Variants in NXNL2 observed in about 807,000 individuals in gnomAD.
The protein encoded by NXNL2 is nucleoredoxin-like protein 2.
NXNL2 carries 7 observed loss-of-function variants against 11.1 expected under a neutral mutation model. The ratio of observed to expected loss-of-function variants is 0.63; its 90% CI spans 0.36 to 1.18. The LOEUF is 1.18. Among genes scored for constraint, NXNL2 ranks in the 50% most tolerant of loss-of-function variants. The pLI is 0.02. For synonymous variants in NXNL2, 109 were observed against 101.8 expected (o/e 1.07, Z -0.42); for missense variants, 233 against 217.7 (o/e 1.07, Z -0.44).
chr9:88,538,623 G>A (rs768173527), intron 1 of NXNL2, among the ~76,000 whole-genome samples: 1 of 152,184 alleles, frequency 6.6e-6, no homozygotes, highest in Non-Finnish European at 1.5e-5. Context: ...CACACAGCCA[G>A]GTGCTGCACC....
At chr9:88,577,300 C>CA (rs1554707539), downstream of NXNL2, among the ~76,000 whole-genome samples, 1 of 149,602 alleles carries the variant, frequency 6.7e-6, no homozygotes, top group Non-Finnish European at 1.5e-5. Flanking sequence ...TGTGACTGGG[C>CA]GGGGGGGGCG....
At chr9:88,559,673 G>C (rs1830062376) in intron 1 of NXNL2, among the ~76,000 whole-genome samples, 1 of 152,212 alleles carries the variant, frequency 6.6e-6, no homozygotes, top group Non-Finnish European at 1.5e-5. Context: ...TGTGGTCAGA[G>C]CTTCATTCTA....
intron 1 of NXNL2, 101 bp downstream of exon 1, chr9:88,535,837 C>CG: frequency 3.4e-6 from 3 of 875,720 alleles, no homozygotes; most frequent in East Asian, 2.8e-5. Context: ...TGACGCCCCC[C>CG]CCCAACACCT....
chr9:88,535,189 C>CCG lies in NXNL2; in HGVS notation c.-242_-241dup. 1 of 525,348 alleles carries CCG rather than the reference C, an allele frequency of 1.9e-6. No homozygotes were observed. Among genetic ancestry groups the CCG allele is most frequent in the South Asian group, 2.7e-5 (1 of 37,174 alleles). 32.5% of individuals were successfully genotyped at this position (525,348 alleles called of 1,614,324 possible). Reference sequence around the variant, plus strand: ...CTGGCCCCGCTCCCAGAGGCGGGTGCCGCGCTGTCGCCCAGGTATCTGGGG... The same window carrying CCG: ...CTGGCCCCGCTCCCAGAGGCGGGTGCCGCGCGCTGTCGCCCAGGTATCTGGGG... On this transcript the variant is annotated 5_prime_UTR_variant, in exon 1 of 2. Transcript: ENST00000375854.
downstream of NXNL2, among the ~76,000 whole-genome samples, chr9:88,579,481 T>C (rs1010334670): frequency 9.2e-5 from 14 of 152,186 alleles, no homozygotes; most frequent in African/African-American, 1.2e-4. Context: ...TTGGTCCCCA[T>C]TGAGCTTATT....
chr9:88,556,852 C>T (rs1434182798), intron 1 of NXNL2, among the ~76,000 whole-genome samples: 5 of 151,992 alleles, frequency 3.3e-5, no homozygotes, highest in African/African-American at 4.8e-5. Flanking sequence ...CCAAGGCAGG[C>T]GGATCATGAG....
chr9:88,541,418 A>G (rs1239364319), intron 1 of NXNL2, among the ~76,000 whole-genome samples: 14 of 151,228 alleles, frequency 9.3e-5, no homozygotes, highest in Non-Finnish European at 4.4e-5. Flanking sequence ...GTGCAACCAC[A>G]CCTGGTTAAT....
intron 1 of NXNL2, among the ~76,000 whole-genome samples, chr9:88,540,652 G>A (rs1587840871): frequency 1.3e-5 from 2 of 152,194 alleles, no homozygotes; most frequent in African/African-American, 4.8e-5. Flanking sequence ...TTAGAGAATA[G>A]TTTACATTTT....
downstream of NXNL2, among the ~76,000 whole-genome samples, chr9:88,576,152 G>A (rs1220316577): frequency 1.3e-5 from 2 of 152,240 alleles, no homozygotes; most frequent in African/African-American, 4.8e-5. Flanking sequence ...CCGAGATTGT[G>A]CCACTGCACT....
At chr9:88,556,194 A>T (rs1262226733) in intron 1 of NXNL2, among the ~76,000 whole-genome samples, 2 of 152,136 alleles carry the variant, frequency 1.3e-5, no homozygotes, top group Admixed American at 1.3e-4. Context: ...ACCGCCTGCA[A>T]CTTGGTGGGC....
intron 1 of NXNL2, among the ~76,000 whole-genome samples, chr9:88,567,148 T>C (rs1168021393): frequency 6.6e-6 from 1 of 152,248 alleles, no homozygotes; most frequent in African/African-American, 2.4e-5. Context: ...ATTGAATTCT[T>C]TTTTTTCTCT....
chr9:88,563,938 C>T (rs895197245), intron 1 of NXNL2, among the ~76,000 whole-genome samples: 34 of 152,078 alleles, frequency 2.2e-4, no homozygotes, highest in Middle Eastern at 3.4e-3. Context: ...GGGCCGGGCG[C>T]GGTGGTTCAC....
rs138087995 is a variant in NXNL2 at position 88,537,140 on chromosome 9, G to T, written c.302+1404G>T. 3.3e-5 allele frequency among the ~76,000 whole-genome samples: 5 copies of T among 152,322 alleles called. 1 individual carries two copies. Among genetic ancestry groups the T allele is most frequent in the Admixed American group, 1.3e-4 (2 of 15,304 alleles). On this transcript the variant is annotated intron_variant, in intron 1 of 1. Transcript: ENST00000375854. ...GCATATGATACATCACGTGGTTGTT[G>T]TCAGGGTTGAGCTGATCACATATGA...
chr9:88,558,593 G>C (rs562159667), intron 1 of NXNL2, among the ~76,000 whole-genome samples: 2 of 152,244 alleles, frequency 1.3e-5, no homozygotes, highest in South Asian at 2.1e-4. Flanking sequence ...CCTGGGGCTT[G>C]GTTGGTGTCT....
At chr9:88,555,965 G>C (rs1424116165) in intron 1 of NXNL2, among the ~76,000 whole-genome samples, 2 of 152,334 alleles carry the variant, frequency 1.3e-5, no homozygotes, top group Admixed American at 1.3e-4. Flanking sequence ...TCCATGAAAG[G>C]CTGCAGCTGG....
intron 1 of NXNL2, among the ~76,000 whole-genome samples, chr9:88,583,767 A>G (rs1288356430): frequency 6.6e-6 from 1 of 152,214 alleles, no homozygotes; most frequent in Non-Finnish European, 1.5e-5. Flanking sequence ...GTCACAGGGT[A>G]GCCCTAATCT....
At chr9:88,544,262 TG>T in intron 1 of NXNL2, 116 bp from the exon 2 acceptor site, 1 of 768,306 alleles carries the variant, frequency 1.3e-6, no homozygotes. Context: ...GCAGGCTGGG[TG>T]GGGCACCTGG....
intron 2 of NXNL2, among the ~76,000 whole-genome samples, chr9:88,571,762 T>A (rs1035692604): frequency 4.6e-5 from 7 of 152,196 alleles, no homozygotes; most frequent in Non-Finnish European, 8.8e-5. Context: ...AGTCCCACCA[T>A]GAATCCTTGA....
chr9:88,578,280 C>T (rs1366821312), downstream of NXNL2, among the ~76,000 whole-genome samples: 3 of 152,130 alleles, frequency 2.0e-5, no homozygotes, highest in Admixed American at 6.5e-5. Context: ...CAGGTGGAGA[C>T]GGGCACAGCG....
Sources: gnomAD v4.1 joint callset for allele counts (sites outside exome capture counted in the v4.1 genomes callset) on GRCh38, gnomAD v4.1.1 for gene constraint, MANE v1.5 for transcripts, NCBI Gene and HGNC (gene_info 2026-07-23, HGNC 2026-07-21) for gene names.